KCP: variants seen among roughly 807,000 people sequenced by gnomAD.
The protein encoded by KCP is kielin cysteine rich BMP regulator, also known as kielin/chordin-like protein.
KCP carries 194 observed loss-of-function variants against 212.7 expected under a neutral mutation model. That is an observed-to-expected ratio of 0.91 (90% CI 0.81 to 1.03). The LOEUF (loss-of-function observed/expected upper bound fraction) is 1.03, where lower values mean the gene tolerates loss of function less well. Ranked by LOEUF, KCP falls within the 50% of genes least tolerant of loss-of-function variation. The pLI, the probability that KCP is intolerant of heterozygous loss-of-function variation, is 0.00. For missense variants in KCP, 2,080 were observed against 2,162.5 expected, an observed-to-expected ratio of 0.96 and a Z score of 0.76; for synonymous variants, 833 against 865.3, an observed-to-expected ratio of 0.96 and a Z score of 0.65.
intron 4 of KCP, 120 bp from the exon 5 acceptor site, chr7:128,906,483 T>C (rs1046657764): frequency 5.4e-6 from 4 of 739,344 alleles, no homozygotes; most frequent in Non-Finnish European, 9.6e-6. Context: ...GAGTTGGCTC[T>C]GTGGATGTGG....
In KCP at chr7:128,881,940, G is replaced by A; in HGVS notation, c.3321C>T (p.Cys1107=). ...TCCCCAAGGCAGGAGGGCTCACCTG[G>A]CACTGGCACGTGTAGCAGGGGTCTG... ...APPDPCYTCQ[C]QDLTWLCIHQ... Residue 1107 remains cysteine (C), a synonymous_variant, in exon 30 of 40, where the codon TGC becomes TGT. Transcript: ENST00000610776. 2 of 1,551,260 alleles carry A rather than the reference G, an allele frequency of 1.3e-6. No homozygotes were observed. Among genetic ancestry groups the A allele is most frequent in the Non-Finnish European group, 1.7e-6 (2 of 1,146,880 alleles).
At position 128,891,700 on chromosome 7, in the gene KCP, T is replaced by G; in HGVS notation, c.1741A>C (p.Arg581=). 6.9e-7 allele frequency: 1 copy of G among 1,448,748 alleles called. No individual in the cohort carries two copies. The highest frequency in any genetic ancestry group is 9.1e-7 in the Non-Finnish European group (1 of 1,099,364). The allele number at this position is 1,448,748 out of a possible 1,614,324, so 89.7% of individuals were successfully genotyped here. ...GGCAGCGGGTGGGCACAGGGGGCCC[T>G]GGGGCAGGGGCGAGGCTGGCAGTGG... ...HAHCQPRPCP[R]APCAHPLPGT... The change falls in exon 17 of 40, where the codon AGG becomes CGG. Residue 581 remains arginine (R), a synonymous_variant. Coordinates refer to ENST00000610776, the MANE Select transcript of KCP (RefSeq NM_001366122.1).
intron 20 of KCP, 95 bp from the exon 21 acceptor site, chr7:128,890,608 G>A (rs1204742053): frequency 1.0e-6 from 1 of 967,180 alleles, no homozygotes; most frequent in Non-Finnish European, 1.5e-6. Flanking sequence ...GACGGGTGTC[G>A]TGGGGGCCGT....
At chr7:128,878,440 A>G in intron 38 of KCP, 118 bp downstream of exon 38, 5 of 1,156,328 alleles carry the variant, frequency 4.3e-6, no homozygotes, top group Non-Finnish European at 5.9e-6. Context: ...GAAAGCCCAA[A>G]AGCCTATCTT....
chr7:128,910,478 C>G (rs1024395087), intron 1 of KCP, 123 bp downstream of exon 1: 2 of 897,126 alleles, frequency 2.2e-6, no homozygotes, highest in Admixed American at 3.6e-5. Context: ...GCCAGGGAGG[C>G]GCGCGAACCT....
intron 2 of KCP, among the ~76,000 whole-genome samples, chr7:128,908,145 A>G (rs982772536): frequency 1.0e-4 from 14 of 134,886 alleles, no homozygotes; most frequent in African/African-American, 2.2e-4. Flanking sequence ...AAAAAAAAGA[A>G]AGAGAGAGAG....
intron 11 of KCP, 114 bp downstream of exon 11, chr7:128,893,692 A>C: frequency 1.7e-6 from 2 of 1,201,308 alleles, no homozygotes; most frequent in East Asian, 5.1e-5. Context: ...GTGAGGACTC[A>C]CTTTGGGAAC....
chr7:128,908,201 G>GAA (rs11449361), intron 2 of KCP, among the ~76,000 whole-genome samples: 4 of 104,872 alleles, frequency 3.8e-5, no homozygotes, highest in Non-Finnish European at 4.0e-5. Context: ...GGAAAAGAAA[G>GAA]AAAAAAAAAG....
chr7:128,887,419 CCA>C (rs1023901890), intron 22 of KCP, 119 bp from the exon 23 acceptor site: 169 of 749,970 alleles, frequency 2.3e-4, no homozygotes, highest in Middle Eastern at 3.6e-4. Flanking sequence ...ACACACATAG[CCA>C]CACACACACA....
chr7:128,885,846 C>T (rs1182081880), intron 26 of KCP, among the ~76,000 whole-genome samples: 1 of 152,204 alleles, frequency 6.6e-6, no homozygotes, highest in East Asian at 1.9e-4. Flanking sequence ...ACTCTGCCAC[C>T]TTCTCTACCT....
chr7:128,889,003 T>C lies in KCP; in HGVS notation c.2372A>G (p.Gln791Arg), dbSNP rs998368363. 7.8e-6 allele frequency: 12 copies of C among 1,530,736 alleles called. No individual in the cohort carries two copies. Among genetic ancestry groups the C allele is most frequent in the Admixed American group, 6.4e-5 (3 of 47,068 alleles). The allele number at this position is 1,530,736 out of a possible 1,614,324, so 94.8% of individuals were successfully genotyped here. ...EYLGESYLSN[Q>R]EFPDPREPCN... ...GGGTTCTCGGGGGTCTGGGAACTCC[T>C]GGTTACTCAGGTAGGACTCCCCCAG... Residue 791 changes from glutamine to arginine, a missense_variant, in exon 22 of 40, where the codon CAG (glutamine) becomes CGG (arginine). Physicochemically the swap from Gln to Arg is conservative, Grantham distance 43 (BLOSUM62 1). Coordinates refer to ENST00000610776, the MANE Select transcript of KCP (RefSeq NM_001366122.1).
At chr7:128,892,641 A>G in intron 15 of KCP, 34 bp from the exon 16 acceptor site, 1 of 1,550,536 alleles carries the variant, frequency 6.4e-7, no homozygotes, top group Middle Eastern at 1.7e-4. Flanking sequence ...CAATCGGGGC[A>G]TGCCCAGGAG....
At chr7:128,889,092 G>T in intron 21 of KCP, 53 bp from the exon 22 acceptor site, 1 of 1,382,268 alleles carries the variant, frequency 7.2e-7, no homozygotes, top group Non-Finnish European at 9.7e-7. Context: ...GGGATGAGAG[G>T]GCAGTGGTCA....
At chr7:128,890,710 GGGGGGCTGGGGGCCGT>G (rs1206824988) in intron 20 of KCP, among the ~76,000 whole-genome samples, 179 bp downstream of exon 20, 10 of 150,670 alleles carry the variant, frequency 6.6e-5, no homozygotes, top group Non-Finnish European at 1.3e-4. Flanking sequence ...TGGGTGTCGT[GGGGGGCTGGGGGCCGT>G]GGGGGATGGA....
At chr7:128,890,188 G>A (rs1287834489) in intron 21 of KCP, 155 bp downstream of exon 21, 5 of 1,414,242 alleles carry the variant, frequency 3.5e-6, no homozygotes, top group East Asian at 2.5e-5. Flanking sequence ...CCAAATTGTC[G>A]GGGTCACAGG....
rs777473344 is a variant in KCP at position 128,879,747 on chromosome 7, C to A, written c.4015G>T (p.Val1339Leu). The stretch of plus-strand genomic sequence containing the variant: ...ACTGCCCCGTCCTGCAGCAGCCGCA[C>A]GGCCATGTCTCCCAGCAGCACCGCC... Reference protein sequence around the residue: ...EVAVLLGDMAVRLLQDGAVTV... With the variant: ...EVAVLLGDMALRLLQDGAVTV... The change falls in exon 36 of 40, where the codon GTG becomes TTG. Residue 1339 changes from valine (V) to leucine (L), a missense_variant. Transcript: ENST00000610776. 1.3e-6 allele frequency: 2 copies of A among 1,550,358 alleles called. No homozygotes were observed. Among genetic ancestry groups the A allele is most frequent in the Non-Finnish European group, 8.7e-7 (1 of 1,146,990 alleles).
Position 128,910,606 on chromosome 7 carries a change from G to T in KCP, c.71C>A (p.Ala24Glu). The change falls in exon 1 of 40, where the codon GCG (alanine) becomes GAG (glutamate). Residue 24 changes from alanine to glutamate, a missense_variant. Ala to Glu is a moderately radical substitution (Grantham distance 107). Coordinates refer to ENST00000610776, the MANE Select transcript of KCP (RefSeq NM_001366122.1). ...HLGALALAAG[A>E]EGGAVPREPP... ...CCTCCCGCACCTGGACTCACCTTCC[G>T]CGCCCGCGGCCAGCGCCAGGGCCCC... 2 of 1,515,568 alleles carry T rather than the reference G, an allele frequency of 1.3e-6. No individual in the cohort carries two copies. The highest frequency in any genetic ancestry group is 1.8e-6 in the Non-Finnish European group (2 of 1,138,992). The allele number at this position is 1,515,568 out of a possible 1,614,324, so 93.9% of individuals were successfully genotyped here. A position where few individuals can be genotyped will look rare whatever the true frequency, so the allele number is the denominator to read the frequency against.
intron 8 of KCP, among the ~76,000 whole-genome samples, chr7:128,901,908 G>A (rs1794869893): frequency 6.6e-6 from 1 of 152,142 alleles, no homozygotes; most frequent in South Asian, 2.1e-4. Flanking sequence ...TATATCTGGG[G>A]TACGTTCCCC....
chr7:128,879,682 A>G, intron 36 of KCP, 36 bp downstream of exon 36: 1 of 1,546,124 alleles, frequency 6.5e-7, no homozygotes, highest in Non-Finnish European at 8.7e-7. Flanking sequence ...TGGACAGCAC[A>G]GGATCCACCT....
Sources: allele counts gnomAD v4.1 joint callset (sites outside exome capture counted in the v4.1 genomes callset), GRCh38; gene constraint gnomAD v4.1.1; transcripts MANE v1.5; gene names NCBI Gene and HGNC (gene_info 2026-07-23, HGNC 2026-07-21).